The following TBC1D12 variants were observed in gnomAD, a reference collection of about 807,000 sequenced individuals.
TBC1D12 encodes the protein TBC1 domain family member 12.
A neutral mutation model predicts 86.7 loss-of-function variants in TBC1D12; 56 were observed. That is an observed-to-expected ratio of 0.65 (90% CI 0.52 to 0.81). TBC1D12 has a LOEUF of 0.81. TBC1D12 is among the 30% of genes least tolerant of loss of function. TBC1D12 has a pLI of 0.00. For missense variants in TBC1D12, 1,023 were observed against 1,038.8 expected (o/e 0.98, Z 0.21); for synonymous variants, 421 against 411.7 (o/e 1.02, Z -0.27).
At position 94,403,556 on chromosome 10, in the gene TBC1D12, A is replaced by T. The variant is rs757128150; in HGVS notation, c.943A>T (p.Ser315Cys). The T allele has an allele frequency of 9.8e-5, 145 of 1,484,294 alleles. No individual in the cohort carries two copies. The highest frequency in any genetic ancestry group is 1.3e-4 in the Non-Finnish European group (142 of 1,128,024). The allele number at this position is 1,484,294 out of a possible 1,614,324, so 91.9% of individuals were successfully genotyped here. ...GGGGGCTTCGGCCCGGGCTCGACGG[A>T]GTGGCGGCTTCGCGGACTTCTTCAC... ...PAGASARARR[S>C]GGFADFFTRN... Residue 315 changes from serine (S) to cysteine (C), a missense_variant, in exon 1 of 13, where the codon AGT (serine) becomes TGT (cysteine). Coordinates refer to ENST00000225235, the MANE Select transcript of TBC1D12 (RefSeq NM_015188.2).
chr10:94,461,756 C>T (rs1227138997), intron 2 of TBC1D12, among the ~76,000 whole-genome samples: 3 of 152,162 alleles, frequency 2.0e-5, no homozygotes, highest in Admixed American at 2.0e-4. Context: ...GGTTTCTGCT[C>T]TGCTAAGTTG....
At chr10:94,470,049 A>G (rs973299656) in intron 2 of TBC1D12, among the ~76,000 whole-genome samples, 1 of 152,194 alleles carries the variant, frequency 6.6e-6, no homozygotes, top group African/African-American at 2.4e-5. Flanking sequence ...GCCAATTTGT[A>G]TATACCTAAC....
At chr10:94,514,460 C>G (rs1041257759) in intron 9 of TBC1D12, among the ~76,000 whole-genome samples, 2 of 152,204 alleles carry the variant, frequency 1.3e-5, no homozygotes, top group African/African-American at 4.8e-5. Flanking sequence ...CTATTCTACT[C>G]TTTGCTTCTA....
chr10:94,442,903 GA>G lies in TBC1D12; in HGVS notation c.1095+888del, dbSNP rs138559680. ...AAAACTGGTTTTCCAAGTAATATGA[GA>G]AAATAATTTTAGATCTTTAAAAACA... On this transcript the variant is annotated intron_variant, in intron 2 of 12. Coordinates refer to ENST00000225235, the MANE Select transcript of TBC1D12 (RefSeq NM_015188.2). 1.9e-3 allele frequency among the ~76,000 whole-genome samples: 289 copies of G among 152,244 alleles called. 1 individual carries two copies. The highest frequency in any genetic ancestry group is 3.9e-3 in the South Asian group (19 of 4,816).
At chr10:94,405,626 A>C (rs1417016267) in intron 1 of TBC1D12, among the ~76,000 whole-genome samples, 1 of 152,008 alleles carries the variant, frequency 6.6e-6, no homozygotes, top group Non-Finnish European at 1.5e-5. Context: ...ATGTCAGGCA[A>C]TTTTAGATCT....
intron 1 of TBC1D12, among the ~76,000 whole-genome samples, chr10:94,439,475 A>T (rs2151953): frequency 0.21 from 31,284 of 151,986 alleles, 3,371 homozygotes; most frequent in South Asian, 0.34. Flanking sequence ...GGTGGAGTCA[A>T]TTTTTTTGTT....
rs1353195283 is a variant in TBC1D12 at position 94,522,565 on chromosome 10, CCTT to C, written c.2000+116_2000+118del. 2.4e-5 allele frequency: 12 copies of C among 490,962 alleles called. No homozygotes were observed. In the East Asian group the frequency reaches 3.8e-4, roughly 16 times the overall value. The allele number at this position is 490,962 out of a possible 1,614,324, so 30.4% of individuals were successfully genotyped here. ...TGTGCAGGATTTTACATATAAAGAGCCTTCTTTTACAAATTTAGAAACTTCCAA... is the reference window on the plus strand; with the variant it reads ...TGTGCAGGATTTTACATATAAAGAGCCTTTTACAAATTTAGAAACTTCCAA... On this transcript the variant is annotated intron_variant, in intron 11 of 12. Coordinates refer to ENST00000225235, the MANE Select transcript of TBC1D12 (RefSeq NM_015188.2).
At chr10:94,456,931 T>C (rs2055635255) in intron 2 of TBC1D12, among the ~76,000 whole-genome samples, 1 of 152,222 alleles carries the variant, frequency 6.6e-6, no homozygotes, top group Non-Finnish European at 1.5e-5. Context: ...TCTTTATTCC[T>C]GATAACTTTC....
At chr10:94,522,285 T>TAAA in intron 10 of TBC1D12, 59 bp from the exon 11 acceptor site, 1 of 1,117,582 alleles carries the variant, frequency 8.9e-7, no homozygotes, top group Non-Finnish European at 1.2e-6. Context: ...TTTAAGCGTT[T>TAAA]AATTTCTTTA....
At chr10:94,478,755 C>T (rs1056898189) in intron 3 of TBC1D12, among the ~76,000 whole-genome samples, 6 of 151,546 alleles carry the variant, frequency 4.0e-5, no homozygotes, top group African/African-American at 7.3e-5. Flanking sequence ...TTGAATCTTA[C>T]AATTCCTAGT....
At chr10:94,447,315 G>C (rs983984104) in intron 2 of TBC1D12, among the ~76,000 whole-genome samples, 2 of 151,172 alleles carry the variant, frequency 1.3e-5, no homozygotes, top group Non-Finnish European at 2.9e-5. Flanking sequence ...TAATTATATA[G>C]ATGTGTATAT....
intron 6 of TBC1D12, among the ~76,000 whole-genome samples, chr10:94,506,776 C>T (rs748950166): frequency 5.3e-5 from 8 of 152,166 alleles, no homozygotes; most frequent in Non-Finnish European, 7.3e-5. Context: ...AAAGCAAGAT[C>T]GAGCATCTGT....
At chr10:94,427,187 C>T (rs984676884) in intron 1 of TBC1D12, among the ~76,000 whole-genome samples, 1 of 152,162 alleles carries the variant, frequency 6.6e-6, no homozygotes. Context: ...TTTATCATTC[C>T]TCATCAGTCA....
intron 6 of TBC1D12, among the ~76,000 whole-genome samples, chr10:94,500,872 A>T (rs1187124253): frequency 6.6e-6 from 1 of 151,990 alleles, no homozygotes; most frequent in Non-Finnish European, 1.5e-5. Flanking sequence ...CCCAGCCAAC[A>T]TAGCGAAACC....
chr10:94,462,748 A>C (rs2055748964), intron 2 of TBC1D12, among the ~76,000 whole-genome samples: 1 of 152,142 alleles, frequency 6.6e-6, no homozygotes, highest in Admixed American at 6.5e-5. Context: ...AGAAATGTGG[A>C]TAGTGATGAT....
At chr10:94,506,086 G>A (rs547332838) in intron 6 of TBC1D12, among the ~76,000 whole-genome samples, 29 of 151,582 alleles carry the variant, frequency 1.9e-4, no homozygotes, top group South Asian at 8.4e-4. Context: ...GCCCAGACTG[G>A]AGTGCAGTGG....
At position 94,511,575 on chromosome 10, in the gene TBC1D12, C is replaced by T; in HGVS notation, c.1690-8C>T. The T allele has an allele frequency of 6.3e-7, 1 of 1,592,652 alleles. No homozygotes were observed. Among genetic ancestry groups the T allele is most frequent in the Non-Finnish European group, 8.6e-7 (1 of 1,162,572 alleles). On this transcript the variant is annotated splice_region_variant and splice_polypyrimidine_tract_variant and intron_variant, in intron 8 of 12. Coordinates refer to ENST00000225235, the MANE Select transcript of TBC1D12 (RefSeq NM_015188.2). ...GTACAGTTTCAAATTTCATTTTTCTCTCCTAAGGGTGGTCCATATCATGAT... is the reference window on the plus strand; with the variant it reads ...GTACAGTTTCAAATTTCATTTTTCTTTCCTAAGGGTGGTCCATATCATGAT...
intron 1 of TBC1D12, among the ~76,000 whole-genome samples, chr10:94,411,395 G>C (rs1398329440): frequency 6.6e-6 from 1 of 152,158 alleles, no homozygotes; most frequent in Non-Finnish European, 1.5e-5. Flanking sequence ...TGATGAACTA[G>C]TGCAGTTGTT....
At chr10:94,458,970 G>A (rs139920655) in intron 2 of TBC1D12, among the ~76,000 whole-genome samples, 5,833 of 152,224 alleles carry the variant, frequency 0.038, 158 homozygotes, top group Non-Finnish European at 0.051. Context: ...CTTCCACAGC[G>A]TGGAAGGGGA....
Sources: allele counts gnomAD v4.1 joint callset (sites outside exome capture counted in the v4.1 genomes callset), GRCh38; gene constraint gnomAD v4.1.1; transcripts MANE v1.5; gene names NCBI Gene and HGNC (gene_info 2026-07-23, HGNC 2026-07-21).